CERKL: variants seen among roughly 807,000 people sequenced by gnomAD.
CERKL encodes the protein ceramide kinase-like protein.
Under a neutral mutation model 63.4 loss-of-function variants are expected in CERKL, and 61 were observed. That is an observed-to-expected ratio of 0.96 (90% CI 0.78 to 1.19). The LOEUF (loss-of-function observed/expected upper bound fraction) is 1.19. Among genes scored for constraint, CERKL ranks in the 50% most tolerant of loss-of-function variants. The pLI is 0.00. For missense variants in CERKL, 675 were observed against 655.5 expected (o/e 1.03, Z -0.33); for synonymous variants, 250 against 230.5 (o/e 1.08, Z -0.77).
At chr2:181,631,770 A>G (rs1018448913) in intron 1 of CERKL, among the ~76,000 whole-genome samples, 4 of 152,212 alleles carry the variant, frequency 2.6e-5, no homozygotes, top group African/African-American at 4.8e-5. Context: ...AGGGCTCTCG[A>G]GTATGGAAAG....
chr2:181,631,907 T>G (rs1328055352), intron 1 of CERKL, among the ~76,000 whole-genome samples: 1 of 152,230 alleles, frequency 6.6e-6, no homozygotes, highest in Non-Finnish European at 1.5e-5. Context: ...AAACCATCTG[T>G]AGATATTAAA....
Position 181,547,669 on chromosome 2 carries a change from G to C in CERKL, c.1217C>G (p.Ala406Gly). ...TGCCACTGAACACAGGCAAGGAATT[G>C]CCATAATGCTGACATTCAAGAACTG... ...QGQFLNVSIMAIPCLCSVAPR... is the reference protein window; with the variant it reads ...QGQFLNVSIMGIPCLCSVAPR... Residue 406 changes from alanine (A) to glycine (G), a missense_variant, in exon 10 of 13, where the codon GCA (alanine) becomes GGA (glycine). Ala to Gly is a moderately conservative substitution (Grantham distance 60). Transcript: ENST00000410087. The C allele has an allele frequency of 6.2e-7, 1 of 1,614,046 alleles. No homozygotes were observed. Among genetic ancestry groups the C allele is most frequent in the Non-Finnish European group, 8.5e-7 (1 of 1,179,950 alleles).
chr2:181,574,939 T>A (rs1213149236), intron 2 of CERKL, among the ~76,000 whole-genome samples: 1 of 152,158 alleles, frequency 6.6e-6, no homozygotes, highest in East Asian at 1.9e-4. Flanking sequence ...AGGGTCATGA[T>A]AAACTCCTTA....
chr2:181,564,179 C>A (rs1192443225), intron 4 of CERKL, among the ~76,000 whole-genome samples: 1 of 152,054 alleles, frequency 6.6e-6, no homozygotes, highest in Non-Finnish European at 1.5e-5. Flanking sequence ...GGAGCTCAGG[C>A]GGAAATGATC....
At chr2:181,597,141 A>G (rs1434927206) in intron 2 of CERKL, among the ~76,000 whole-genome samples, 1 of 152,200 alleles carries the variant, frequency 6.6e-6, no homozygotes, top group East Asian at 1.9e-4. Flanking sequence ...AAAGGGTTCA[A>G]ATCTCAAACT....
chr2:181,614,978 C>T (rs538456993), intron 1 of CERKL, among the ~76,000 whole-genome samples: 43 of 152,148 alleles, frequency 2.8e-4, no homozygotes, highest in African/African-American at 7.0e-4. Context: ...TTTTGCTTGG[C>T]GGCATGTGGT....
rs148109138 is a variant in CERKL, at chr2:181,566,116, C to T, written c.619G>A (p.Glu207Lys). The T allele has an allele frequency of 1.9e-6, 3 of 1,610,130 alleles. No individual in the cohort carries two copies. In the East Asian group the frequency reaches 6.7e-5, roughly 36 times the overall value. The change falls in exon 4 of 13, where the codon GAA (glutamate) becomes AAA (lysine). Residue 207 changes from glutamate (E) to lysine (K), a missense_variant. Transcript: ENST00000410087. ...AGTGACAGAGCGTGCCCTTCATATT[C>T]CATTACTATTAAAAAAACACACACA... The part of the protein sequence containing the change: ...AGIKTDVTIM[E>K]YEGHALSLLK...
At chr2:181,583,254 C>T (rs1684613938) in intron 2 of CERKL, among the ~76,000 whole-genome samples, 1 of 151,858 alleles carries the variant, frequency 6.6e-6, no homozygotes, top group Non-Finnish European at 1.5e-5. Context: ...GTGTTAAAAC[C>T]ATTAGGTGAA....
chr2:181,635,430 A>T (rs940755703), intron 1 of CERKL, among the ~76,000 whole-genome samples: 4 of 152,160 alleles, frequency 2.6e-5, no homozygotes, highest in African/African-American at 9.6e-5. Context: ...TACTGTGTCT[A>T]AATATCTAGA....
At chr2:181,650,902 G>A (rs1687905221) in intron 1 of CERKL, among the ~76,000 whole-genome samples, 1 of 152,102 alleles carries the variant, frequency 6.6e-6, no homozygotes, top group Non-Finnish European at 1.5e-5. Context: ...ATTTAGAGTT[G>A]GTTTTCAACA....
Position 181,549,683 on chromosome 2 carries a change from A to G in CERKL, c.846T>C (p.Ser282=), listed in dbSNP as rs957155100. 40 of 1,612,346 alleles carry G rather than the reference A, an allele frequency of 2.5e-5. No homozygotes were observed. Among genetic ancestry groups the G allele is most frequent in the Non-Finnish European group, 3.4e-5 (40 of 1,178,730 alleles). ...TTATCACATGAGGAACTCCATGAAG[A>G]GAATGTGCCAATACATTGGTAGATC... is the stretch of plus-strand genomic sequence containing the variant. ...PAGSTNVLAH[S]LHGVPHVITA... Residue 282 remains serine, a synonymous_variant, in exon 6 of 13, where the codon TCT becomes TCC. Transcript: ENST00000410087.
chr2:181,603,803 G>C, intron 2 of CERKL, 34 bp downstream of exon 2: 1 of 1,606,858 alleles, frequency 6.2e-7, no homozygotes, highest in South Asian at 1.1e-5. Flanking sequence ...CAAGGAAACT[G>C]GGCTGATTAA....
At chr2:181,615,130 G>C (rs959249838) in intron 1 of CERKL, among the ~76,000 whole-genome samples, 2 of 151,980 alleles carry the variant, frequency 1.3e-5, no homozygotes, top group African/African-American at 4.8e-5. Context: ...ACATCTACTG[G>C]GTATCATGCT....
At chr2:181,656,024 T>C (rs566935201) in intron 1 of CERKL, among the ~76,000 whole-genome samples, 63 of 152,346 alleles carry the variant, frequency 4.1e-4, no homozygotes, top group Non-Finnish European at 8.2e-4. Context: ...GACGTGAAAA[T>C]AGACTCGAAG....
intron 1 of CERKL, among the ~76,000 whole-genome samples, chr2:181,624,313 A>G (rs1202292954): frequency 6.6e-6 from 1 of 152,052 alleles, no homozygotes; most frequent in Non-Finnish European, 1.5e-5. Flanking sequence ...GGATTACTTC[A>G]GGCCAGGAGT....
At chr2:181,619,575 T>C (rs1686360290) in intron 1 of CERKL, among the ~76,000 whole-genome samples, 1 of 152,212 alleles carries the variant, frequency 6.6e-6, no homozygotes. Flanking sequence ...AAGTTTTTTA[T>C]TGACTGTATT....
Position 181,603,987 on chromosome 2 carries a change from G to A in CERKL, c.331C>T (p.Gln111Ter), listed in dbSNP as rs1024848122. ...VKLKRRCSVK[Q>*]QRSGTLLGIT... ...CCTAATAAAGTACCACTTCTCTGCT[G>A]TTTAACAGAACAACGCCGTTTCAGT... Residue 111 changes from glutamine to a stop codon, truncating the protein, a stop_gained, in exon 2 of 13, where the codon CAG (glutamine) becomes TAG (stop). Transcript: ENST00000410087. LOFTEE classifies it high-confidence loss of function. The A allele has an allele frequency of 6.2e-7, 1 of 1,613,068 alleles. No homozygotes were observed. The highest frequency in any genetic ancestry group is 8.5e-7 in the Non-Finnish European group (1 of 1,179,508).
At chr2:181,547,476 G>A in intron 10 of CERKL, 142 bp downstream of exon 10, 1 of 706,928 alleles carries the variant, frequency 1.4e-6, no homozygotes, top group East Asian at 2.7e-5. Flanking sequence ...AACCTACTGT[G>A]ATGACAAATC....
chr2:181,650,900 T>G (rs554429592), intron 1 of CERKL, among the ~76,000 whole-genome samples: 1 of 152,054 alleles, frequency 6.6e-6, no homozygotes, highest in African/African-American at 2.4e-5. Context: ...AAATTTAGAG[T>G]TGGTTTTCAA....
Sources: gnomAD v4.1 joint callset for allele counts (sites outside exome capture counted in the v4.1 genomes callset) on GRCh38, gnomAD v4.1.1 for gene constraint, MANE v1.5 for transcripts, NCBI Gene and HGNC (gene_info 2026-07-23, HGNC 2026-07-21) for gene names.